Variants in SMIM31 observed in about 807,000 individuals in gnomAD.
SMIM31 encodes the protein human epithelial cell program regulator.
chr4:164,800,581 T>C (rs753378437), intron 2 of SMIM31, among the ~76,000 whole-genome samples: 7 of 152,110 alleles, frequency 4.6e-5, no homozygotes, highest in Admixed American at 4.6e-4. Context: ...ACACAGTAGG[T>C]CCAGGGACCC....
rs563975652 is a variant in SMIM31, at chr4:164,795,493, G to C, written c.113-5598G>C. ...GAATCACTTGAACCTGGGAGGCGGA[G>C]AGGTTGCAGTGAGGCGAGATCACGC... On this transcript the variant is annotated intron_variant, in intron 2 of 2. Transcript: ENST00000507311. Among the ~76,000 whole-genome samples, 129 of 146,702 alleles carry C rather than the reference G, an allele frequency of 8.8e-4. 1 individual carries two copies. Among genetic ancestry groups the C allele is most frequent in the African/African-American group, 3.1e-3 (123 of 40,146 alleles).
At chr4:164,778,936 T>A (rs1732912112) in intron 2 of SMIM31, among the ~76,000 whole-genome samples, 2 of 150,586 alleles carry the variant, frequency 1.3e-5, no homozygotes, top group African/African-American at 4.9e-5. Context: ...GAATTAAAAA[T>A]GGCCTCTCAA....
chr4:164,754,668 T>C (rs1732532272), intron 1 of SMIM31, among the ~76,000 whole-genome samples: 1 of 151,194 alleles, frequency 6.6e-6, no homozygotes, highest in African/African-American at 2.4e-5. Flanking sequence ...TTTTGCTATG[T>C]TTGGTTTATT....
intron 2 of SMIM31, among the ~76,000 whole-genome samples, chr4:164,771,805 T>C (rs994380858): frequency 6.6e-6 from 1 of 152,042 alleles, no homozygotes; most frequent in African/African-American, 2.4e-5. Context: ...AAAGACTCTG[T>C]CTCAAAAAAC....
At chr4:164,776,302 A>G (rs372489562) in intron 2 of SMIM31, among the ~76,000 whole-genome samples, 2 of 152,210 alleles carry the variant, frequency 1.3e-5, no homozygotes, top group African/African-American at 4.8e-5. Context: ...ATGAGTAGGA[A>G]AATAGACTAT....
rs1329720436 is a variant in SMIM31 at position 164,802,764 on chromosome 4, C to T, written c.*1570C>T. On this transcript the variant is annotated 3_prime_UTR_variant, in exon 3 of 3. Coordinates refer to ENST00000507311, the MANE Select transcript of SMIM31 (RefSeq NM_001352885.1). ...AAGATTCAATAAAGATGGCTTTCTG[C>T]CATACAGAGATAGGCATACTAGTGT... 1 of 152,224 alleles carries T rather than the reference C, an allele frequency of 6.6e-6. No homozygotes were observed. Among genetic ancestry groups the T allele is most frequent in the Non-Finnish European group, 1.5e-5 (1 of 68,060 alleles). 9.4% of individuals were successfully genotyped at this position (152,224 alleles called of 1,614,324 possible).
At chr4:164,772,331 A>T (rs2110934234) in intron 2 of SMIM31, among the ~76,000 whole-genome samples, 1 of 152,250 alleles carries the variant, frequency 6.6e-6, no homozygotes, top group East Asian at 1.9e-4. Context: ...AAATCATGAG[A>T]AACTGCCCCC....
At chr4:164,780,198 C>T (rs1030341462) in intron 2 of SMIM31, among the ~76,000 whole-genome samples, 2 of 152,120 alleles carry the variant, frequency 1.3e-5, no homozygotes, top group South Asian at 4.1e-4. Context: ...GAGGCCAAGG[C>T]GGGTGGATCA....
intron 1 of SMIM31, 133 bp from the exon 2 acceptor site, chr4:164,770,286 T>C (rs2110931667): frequency 5.1e-6 from 2 of 390,930 alleles, no homozygotes; most frequent in Admixed American, 8.9e-5. Flanking sequence ...CCAAATACAT[T>C]GTTCCAGGTA....
intron 2 of SMIM31, among the ~76,000 whole-genome samples, chr4:164,795,306 C>T (rs573450493): frequency 6.6e-6 from 1 of 152,246 alleles, no homozygotes; most frequent in African/African-American, 2.4e-5. Context: ...ACCTGTAATC[C>T]CAGCACTTTG....
chr4:164,771,976 T>G lies in SMIM31; in HGVS notation c.112+1421T>G, dbSNP rs936584867. ...TTAGTACACTGTTTACTGACTATCT[T>G]GTTTGCCTGTAAGCATAAAAAACAA... On this transcript the variant is annotated intron_variant, in intron 2 of 2. Coordinates refer to ENST00000507311, the MANE Select transcript of SMIM31 (RefSeq NM_001352885.1). Among the ~76,000 whole-genome samples, 11 of 152,236 alleles carry G rather than the reference T, an allele frequency of 7.2e-5. No individual in the cohort carries two copies. The East Asian group carries it at 9.6e-4, about 13-fold the overall frequency.
intron 2 of SMIM31, among the ~76,000 whole-genome samples, chr4:164,775,906 A>C (rs930689668): frequency 3.3e-5 from 5 of 152,182 alleles, no homozygotes; most frequent in African/African-American, 1.2e-4. Context: ...TCATAAACTC[A>C]GCCTCTCTAC....
intron 2 of SMIM31, among the ~76,000 whole-genome samples, chr4:164,777,828 A>G (rs528121155): frequency 2.6e-4 from 39 of 152,362 alleles, no homozygotes; most frequent in South Asian, 6.2e-4. Flanking sequence ...AGTCCAGGTT[A>G]GAATCGACTT....
chr4:164,798,522 T>C (rs1050280022), intron 2 of SMIM31, among the ~76,000 whole-genome samples: 1 of 152,110 alleles, frequency 6.6e-6, no homozygotes, highest in Non-Finnish European at 1.5e-5. Context: ...ATTACAGGCA[T>C]GAGCCACCAC....
intron 2 of SMIM31, among the ~76,000 whole-genome samples, chr4:164,790,424 T>C (rs980808224): frequency 3.3e-5 from 5 of 152,184 alleles, no homozygotes; most frequent in African/African-American, 1.2e-4. Flanking sequence ...AATTTCAACA[T>C]GCAAGTAATT....
intron 2 of SMIM31, among the ~76,000 whole-genome samples, chr4:164,791,863 T>A (rs1733105848): frequency 6.6e-6 from 1 of 152,146 alleles, no homozygotes; most frequent in Non-Finnish European, 1.5e-5. Context: ...ACTCCCCACT[T>A]CTGAGTCTCC....
intron 2 of SMIM31, among the ~76,000 whole-genome samples, chr4:164,782,499 C>T (rs1732966317): frequency 6.7e-6 from 1 of 149,926 alleles, no homozygotes. Context: ...CTGCCTCAGC[C>T]TCCCGAGTAG....
chr4:164,759,091 T>C (rs569057900), intron 1 of SMIM31, among the ~76,000 whole-genome samples: 1 of 152,198 alleles, frequency 6.6e-6, no homozygotes, highest in South Asian at 2.1e-4. Flanking sequence ...TTATGTACAT[T>C]GCTGGATTTC....
At chr4:164,767,637 T>G (rs1732736452) in intron 1 of SMIM31, among the ~76,000 whole-genome samples, 1 of 152,172 alleles carries the variant, frequency 6.6e-6, no homozygotes, top group Non-Finnish European at 1.5e-5. Context: ...ATGGGAACAG[T>G]GTAGGCATCA....
Sources: gnomAD v4.1 joint callset for allele counts (sites outside exome capture counted in the v4.1 genomes callset) on GRCh38, gnomAD v4.1.1 for gene constraint, MANE v1.5 for transcripts, NCBI Gene and HGNC (gene_info 2026-07-23, HGNC 2026-07-21) for gene names.